NRL: variants seen among roughly 807,000 people sequenced by gnomAD.
NRL encodes neural retina-specific leucine zipper protein.
A neutral mutation model predicts 12.5 loss-of-function variants in NRL; 16 were observed. The observed-to-expected ratio is 1.28, with a 90% CI of 0.87 to 1.95. The LOEUF is 1.95. NRL is among the 30% of genes most tolerant of loss of function. The probability of loss-of-function intolerance (pLI) is 0.00; values close to 1 mark genes in which losing one functional copy is unlikely to be tolerated. For missense variants in NRL, 314 were observed against 325.8 expected (o/e 0.96, Z 0.28); for synonymous variants, 142 against 150.9 (o/e 0.94, Z 0.43).
Position 24,082,888 on chromosome 14 carries a change from G to C in NRL, c.-27-13C>G. 6.3e-7 allele frequency: 1 copy of C among 1,583,560 alleles called. No homozygotes were observed. The highest frequency in any genetic ancestry group is 8.6e-7 in the Non-Finnish European group (1 of 1,163,908). On this transcript the variant is annotated splice_polypyrimidine_tract_variant and intron_variant, in intron 1 of 2. Coordinates refer to ENST00000561028, the MANE Select transcript of NRL (RefSeq NM_001354768.3). ...GGGAGGAGTGCACCTGCAAAGAGGAGGAGAGGTCTGGAGCACATGGAGGCC... is the reference window on the plus strand; with the variant it reads ...GGGAGGAGTGCACCTGCAAAGAGGACGAGAGGTCTGGAGCACATGGAGGCC...
In NRL at chr14:24,095,282, G is replaced by A. The variant is rs573981889; in HGVS notation, c.-27-12407C>T. ...GTGGGGGCTTCACAAGAGATAACGT[G>A]AGCCAGGCTCCAGGGAGAGAGAGGC... On this transcript the variant is annotated intron_variant, in intron 1 of 2. Coordinates refer to ENST00000561028, the MANE Select transcript of NRL (RefSeq NM_001354768.3). 2.0e-5 allele frequency: 9 copies of A among 453,304 alleles called. No homozygotes were observed. The East Asian group carries it at 5.6e-4, about 28-fold the overall frequency. 28.1% of individuals were successfully genotyped at this position (453,304 alleles called of 1,614,324 possible). A position where few individuals can be genotyped will look rare whatever the true frequency, so the allele number is the denominator to read the frequency against.
intron 1 of NRL, among the ~76,000 whole-genome samples, chr14:24,088,212 G>A (rs2036512341): frequency 6.6e-6 from 1 of 152,180 alleles, no homozygotes. Context: ...AGATAGCTAA[G>A]CATTCCCTGT....
chr14:24,098,367 G>C, intron 1 of NRL: 2 of 1,612,722 alleles, frequency 1.2e-6, no homozygotes, highest in South Asian at 2.2e-5. Context: ...GTGGATGAGA[G>C]GTTTCCAGGC....
chr14:24,098,385 A>T, intron 1 of NRL: 5 of 1,611,866 alleles, frequency 3.1e-6, no homozygotes, highest in Non-Finnish European at 4.2e-6. Context: ...GGCTGCATGC[A>T]GGGTAACCAG....
rs570535782 is a variant in NRL at position 24,090,655 on chromosome 14, G to A, written c.-27-7780C>T. Among the ~76,000 whole-genome samples the A allele has an allele frequency of 2.0e-4, 31 of 152,330 alleles. 1 individual carries two copies. The highest frequency in any genetic ancestry group is 6.3e-4 in the African/African-American group (26 of 41,560). On this transcript the variant is annotated intron_variant, in intron 1 of 2. Coordinates refer to ENST00000561028, the MANE Select transcript of NRL (RefSeq NM_001354768.3). ...TCACTACTCGGGCTGTGAGACTTCA[G>A]GGATGAACCCAGAGGCCCCAGAGAG...
chr14:24,091,576 A>T (rs1360519138), intron 1 of NRL, among the ~76,000 whole-genome samples: 1 of 152,190 alleles, frequency 6.6e-6, no homozygotes, highest in Non-Finnish European at 1.5e-5. Context: ...ATATGATCTA[A>T]TTTTTAATGG....
intron 1 of NRL, among the ~76,000 whole-genome samples, chr14:24,112,706 A>G (rs1185133793): frequency 1.3e-4 from 2 of 15,802 alleles, no homozygotes; most frequent in African/African-American, 3.4e-4. Flanking sequence ...TTAGAATGGC[A>G]ATCATTAAAA....
chr14:24,096,245 T>C (rs1163538099), intron 1 of NRL, among the ~76,000 whole-genome samples: 7 of 136,006 alleles, frequency 5.1e-5, no homozygotes, highest in Non-Finnish European at 6.3e-5. Context: ...TTTTTTTTTT[T>C]TTTTTTTTTT....
intron 1 of NRL, chr14:24,084,434 T>C: frequency 1.7e-6 from 1 of 572,908 alleles, no homozygotes; most frequent in Non-Finnish European, 2.2e-6. Context: ...GTTAGGATTC[T>C]TGAAAACAGA....
chr14:24,099,876 T>C, intron 1 of NRL: 1 of 1,587,620 alleles, frequency 6.3e-7, no homozygotes, highest in Non-Finnish European at 8.6e-7. Context: ...AGAGACAGCC[T>C]TTCCTCATCA....
At chr14:24,098,754 C>A in intron 1 of NRL, 3 of 1,268,462 alleles carry the variant, frequency 2.4e-6, no homozygotes, top group African/African-American at 1.5e-5. Context: ...CCTACCTCTC[C>A]ACAGACCCTA....
chr14:24,087,102 G>A (rs1594258945), intron 1 of NRL, among the ~76,000 whole-genome samples: 1 of 152,302 alleles, frequency 6.6e-6, no homozygotes, highest in South Asian at 2.1e-4. Context: ...GGAGGCAGTA[G>A]GTGTAGATGT....
chr14:24,088,685 G>A (rs567127122), intron 1 of NRL, among the ~76,000 whole-genome samples: 9 of 146,618 alleles, frequency 6.1e-5, no homozygotes, highest in Admixed American at 2.1e-4. Context: ...TAGCTCTGTC[G>A]CCCTGGCTGG....
At chr14:24,093,281 T>C (rs2036693725) in intron 1 of NRL, 1 of 152,202 alleles carries the variant, frequency 6.6e-6, no homozygotes, top group Non-Finnish European at 1.5e-5. Context: ...TGGTCTCAGG[T>C]TGGAGAGAGA....
At chr14:24,086,612 A>T (rs1164146169) in intron 1 of NRL, among the ~76,000 whole-genome samples, 2 of 152,222 alleles carry the variant, frequency 1.3e-5, no homozygotes, top group African/African-American at 4.8e-5. Context: ...AAGAGACTCT[A>T]CAATTTCCCT....
At position 24,100,506 on chromosome 14, in the gene NRL, A is replaced by C. The variant is rs1429592148; in HGVS notation, c.-28+14216T>G. The C allele has an allele frequency of 4.9e-6, 4 of 809,328 alleles. No individual in the cohort carries two copies. In the East Asian group the frequency reaches 1.2e-4, roughly 25 times the overall value. 50.1% of individuals were successfully genotyped at this position (809,328 alleles called of 1,614,324 possible). On this transcript the variant is annotated intron_variant, in intron 1 of 2. Transcript: ENST00000561028. ...TCATGAGATTGTTGGAGGATTAAAT[A>C]GTGCATAAAAAGGGTTTATCACACT...
intron 1 of NRL, chr14:24,114,518 A>G: frequency 4.5e-6 from 1 of 224,660 alleles, no homozygotes; most frequent in Non-Finnish European, 7.5e-6. Context: ...AGTAAATTAT[A>G]TCCCTTGCTA....
In NRL at chr14:24,094,326, G is replaced by A; in HGVS notation, c.-27-11451C>T. 2 of 1,395,644 alleles carry A rather than the reference G, an allele frequency of 1.4e-6. No homozygotes were observed. The highest frequency in any genetic ancestry group is 1.5e-5 in the African/African-American group (1 of 68,254). The allele number at this position is 1,395,644 out of a possible 1,614,324, so 86.5% of individuals were successfully genotyped here. A position where few individuals can be genotyped will look rare whatever the true frequency, so the allele number is the denominator to read the frequency against. On this transcript the variant is annotated intron_variant, in intron 1 of 2. Transcript: ENST00000561028. The surrounding 1 kb of genome is among the most constrained non-coding windows in gnomAD (Gnocchi z 4.1). ...AGCCTCTGCTGTGGCTCGCTTCGCC[G>A]CGCTCCCTCCTTCCCCGCCTTCCAT...
At chr14:24,101,145 G>A (rs780245822) in intron 1 of NRL, among the ~76,000 whole-genome samples, 4 of 152,100 alleles carry the variant, frequency 2.6e-5, no homozygotes, top group Non-Finnish European at 5.9e-5. Flanking sequence ...CCACCCAACT[G>A]AGAAATCCAA....
Sources: gnomAD v4.1 joint callset for allele counts (sites outside exome capture counted in the v4.1 genomes callset) on GRCh38, gnomAD v4.1.1 for gene constraint, Gnocchi (gnomAD v3.1) non-coding constraint, MANE v1.5 for transcripts, NCBI Gene and HGNC (gene_info 2026-07-23, HGNC 2026-07-21) for gene names.